The following KCNK10 variants were observed in gnomAD, a reference collection of about 807,000 sequenced individuals.
KCNK10 encodes potassium channel subfamily K member 10.
In KCNK10, 25 loss-of-function variants were observed where a neutral mutation model predicts 47.7. The observed-to-expected ratio is 0.52, with a 90% confidence interval of 0.38 to 0.73. KCNK10 has a LOEUF of 0.73. Ranked by LOEUF, KCNK10 falls within the 30% of genes least tolerant of loss-of-function variation. The pLI is 0.00. For missense variants in KCNK10, 563 were observed against 714.5 expected (o/e 0.79, Z 2.42); for synonymous variants, 303 against 285.6 (o/e 1.06, Z -0.61).
intron 1 of KCNK10, among the ~76,000 whole-genome samples, chr14:88,297,076 T>C (rs542052119): frequency 4.0e-4 from 61 of 152,304 alleles, no homozygotes; most frequent in African/African-American, 1.4e-3. Context: ...ACATACAAAG[T>C]ACAAAATATG....
chr14:88,194,124 A>G (rs1180349859), intron 4 of KCNK10, among the ~76,000 whole-genome samples: 1 of 152,220 alleles, frequency 6.6e-6, no homozygotes, highest in Non-Finnish European at 1.5e-5. Context: ...TCCTCAGAGA[A>G]GCCATCTGAA....
intron 4 of KCNK10, among the ~76,000 whole-genome samples, chr14:88,194,439 C>G (rs151168439): frequency 2.6e-5 from 4 of 152,290 alleles, no homozygotes; most frequent in African/African-American, 9.6e-5. Context: ...ATGGGAGTAC[C>G]ATTCCTCCTC....
chr14:88,316,867 C>T (rs1414405395), intron 1 of KCNK10, among the ~76,000 whole-genome samples: 1 of 152,122 alleles, frequency 6.6e-6, no homozygotes, highest in Admixed American at 6.5e-5. Flanking sequence ...TACTTCACAC[C>T]ATATCTCAGT....
At chr14:88,319,006 C>T (rs190916195) in intron 1 of KCNK10, among the ~76,000 whole-genome samples, 72 of 152,238 alleles carry the variant, frequency 4.7e-4, no homozygotes. Context: ...AAATCATCAA[C>T]AAATGATGCT....
chr14:88,235,983 C>T (rs1387151654), intron 3 of KCNK10, among the ~76,000 whole-genome samples: 2 of 152,128 alleles, frequency 1.3e-5, no homozygotes. Context: ...TGCATAAAAA[C>T]TGGGAAACAG....
At chr14:88,306,522 C>A (rs1195297409) in intron 1 of KCNK10, among the ~76,000 whole-genome samples, 1 of 152,124 alleles carries the variant, frequency 6.6e-6, no homozygotes, top group Non-Finnish European at 1.5e-5. Context: ...CATGATAGCT[C>A]ATTCCCTGAT....
intron 2 of KCNK10, among the ~76,000 whole-genome samples, chr14:88,243,952 TG>T (rs961715369): frequency 6.6e-6 from 1 of 151,690 alleles, no homozygotes; most frequent in African/African-American, 2.4e-5. Context: ...CCAAATGCCC[TG>T]GGGAAGCAGT....
intron 1 of KCNK10, among the ~76,000 whole-genome samples, chr14:88,318,405 G>A (rs1265786775): frequency 2.6e-5 from 4 of 152,194 alleles, no homozygotes; most frequent in Non-Finnish European, 4.4e-5. Flanking sequence ...GGCATCAAAT[G>A]TCACCCATGA....
At chr14:88,225,719 T>C (rs575721528) in intron 4 of KCNK10, among the ~76,000 whole-genome samples, 8 of 152,368 alleles carry the variant, frequency 5.3e-5, no homozygotes, top group African/African-American at 1.7e-4. Context: ...ATTTCCCCAA[T>C]TGAATCCTGT....
intron 1 of KCNK10, among the ~76,000 whole-genome samples, chr14:88,294,266 C>T (rs929826026): frequency 1.3e-5 from 2 of 152,240 alleles, no homozygotes; most frequent in African/African-American, 4.8e-5. Flanking sequence ...CATTGCAAGA[C>T]TTTTGTTTCA....
intron 1 of KCNK10, among the ~76,000 whole-genome samples, chr14:88,284,371 T>C (rs983804422): frequency 1.3e-5 from 2 of 152,062 alleles, no homozygotes; most frequent in Admixed American, 6.6e-5. Flanking sequence ...AGGATAGATG[T>C]ACATATGAAA....
At chr14:88,302,026 C>G (rs1042981884) in intron 1 of KCNK10, among the ~76,000 whole-genome samples, 5 of 152,076 alleles carry the variant, frequency 3.3e-5, no homozygotes, top group South Asian at 2.1e-4. Flanking sequence ...GTGGCAGGAG[C>G]AGAAATGGAG....
chr14:88,190,415 C>T (rs914888564), intron 5 of KCNK10, among the ~76,000 whole-genome samples: 4 of 152,290 alleles, frequency 2.6e-5, no homozygotes, highest in Admixed American at 2.6e-4. Flanking sequence ...TCCCACGGAC[C>T]GGCTACGGAT....
chr14:88,257,818 C>A (rs936304834), intron 2 of KCNK10, among the ~76,000 whole-genome samples: 18 of 152,162 alleles, frequency 1.2e-4, no homozygotes, highest in Non-Finnish European at 7.3e-5. Context: ...AGCTCTATTC[C>A]AAAAGATTGT....
Position 88,322,684 on chromosome 14 carries a change from GGAA to G in KCNK10, c.52+60_52+62del, listed in dbSNP as rs1317327305. 6.2e-7 allele frequency: 1 copy of G among 1,607,036 alleles called. No homozygotes were observed. The highest frequency in any genetic ancestry group is 1.7e-5 in the Admixed American group (1 of 59,952). The stretch of plus-strand genomic sequence containing the variant: ...CAGAAGCAAGAGTGCTTCCACTCAA[GGAA>G]GCGCGCACACGCCGGAGACAGAGGC... On this transcript the variant is annotated intron_variant, in intron 1 of 6. Coordinates refer to ENST00000319231, the MANE Select transcript of KCNK10 (RefSeq NM_138317.3). The surrounding 1 kb of genome is among the most constrained non-coding windows in gnomAD (Gnocchi z 4.8).
intron 2 of KCNK10, among the ~76,000 whole-genome samples, chr14:88,241,956 T>C (rs59747240): frequency 0.052 from 7,917 of 151,870 alleles, 522 homozygotes; most frequent in East Asian, 0.26. Flanking sequence ...CGTGCTGTCA[T>C]GGCAGCCGAA....
intron 1 of KCNK10, among the ~76,000 whole-genome samples, chr14:88,315,462 CA>C (rs1280724850): frequency 2.3e-4 from 35 of 152,330 alleles, no homozygotes; most frequent in Admixed American, 3.3e-4. Context: ...TGTTGGATGT[CA>C]AACCTTTTAT....
At chr14:88,237,888 C>A (rs988100811) in intron 3 of KCNK10, among the ~76,000 whole-genome samples, 10 of 152,158 alleles carry the variant, frequency 6.6e-5, no homozygotes, top group African/African-American at 2.4e-4. Flanking sequence ...AGCTGCATAG[C>A]CCCTAACAAA....
chr14:88,303,232 CT>C (rs1888139223), intron 1 of KCNK10, among the ~76,000 whole-genome samples: 2 of 152,176 alleles, frequency 1.3e-5, no homozygotes, highest in Non-Finnish European at 2.9e-5. Context: ...CTGGAACATC[CT>C]TGTTCAGTGA....
Sources: gnomAD v4.1 joint callset for allele counts (sites outside exome capture counted in the v4.1 genomes callset) on GRCh38, gnomAD v4.1.1 for gene constraint, Gnocchi (gnomAD v3.1) non-coding constraint, MANE v1.5 for transcripts, NCBI Gene and HGNC (gene_info 2026-07-23, HGNC 2026-07-21) for gene names.